The following CSNK1G1 variants were observed in gnomAD, a reference collection of about 807,000 sequenced individuals.
CSNK1G1 encodes casein kinase 1 gamma 1.
Under a neutral mutation model 59.6 loss-of-function variants are expected in CSNK1G1, and 22 were observed. The observed-to-expected ratio is 0.37, with a 90% CI of 0.26 to 0.53. CSNK1G1 has a LOEUF of 0.53. Among genes scored for constraint, CSNK1G1 ranks in the 20% least tolerant of loss-of-function variants. The probability of loss-of-function intolerance (pLI) is 0.89; values close to 1 mark genes in which losing one functional copy is unlikely to be tolerated. For synonymous variants in CSNK1G1, 179 were observed against 177.1 expected, an observed-to-expected ratio of 1.01 and a Z score of -0.08; for missense variants, 384 against 519.5, an observed-to-expected ratio of 0.74 and a Z score of 2.54.
chr15:64,259,376 C>T, intron 2 of CSNK1G1, 135 bp from the exon 3 acceptor site: 5 of 575,296 alleles, frequency 8.7e-6, no homozygotes, highest in South Asian at 5.0e-5. Context: ...GATTTATAAG[C>T]GAAAAGCTAC....
At chr15:64,180,736 A>G (rs1176170092) in intron 10 of CSNK1G1, among the ~76,000 whole-genome samples, 1 of 152,250 alleles carries the variant, frequency 6.6e-6, no homozygotes, top group Non-Finnish European at 1.5e-5. Context: ...ATCTTATGAA[A>G]TAGGTTTTTT....
chr15:64,286,431 A>G (rs1894429011), intron 2 of CSNK1G1, among the ~76,000 whole-genome samples: 2 of 146,782 alleles, frequency 1.4e-5, no homozygotes, highest in South Asian at 4.4e-4. Context: ...CTAGTTTCAC[A>G]GTACAAACAT....
At chr15:64,278,421 TATATATA>T (rs1461317787) in intron 2 of CSNK1G1, among the ~76,000 whole-genome samples, 5 of 86,820 alleles carry the variant, frequency 5.8e-5, no homozygotes, top group African/African-American at 2.5e-4. Flanking sequence ...TGTGTGTGTA[TATATATA>T]TATATTTTTT....
chr15:64,315,073 TACTA>T (rs769493089), intron 1 of CSNK1G1, among the ~76,000 whole-genome samples: 7 of 152,210 alleles, frequency 4.6e-5, no homozygotes, highest in Admixed American at 2.6e-4. Flanking sequence ...ATAATAGGAA[TACTA>T]ACTTACATTC....
At chr15:64,236,840 T>C (rs2082622638) in intron 4 of CSNK1G1, among the ~76,000 whole-genome samples, 1 of 152,218 alleles carries the variant, frequency 6.6e-6, no homozygotes, top group African/African-American at 2.4e-5. Context: ...TCTGTACTCA[T>C]GTATTTTTCA....
At chr15:64,313,847 G>T (rs1475255487) in intron 1 of CSNK1G1, among the ~76,000 whole-genome samples, 1 of 137,318 alleles carries the variant, frequency 7.3e-6, no homozygotes, top group East Asian at 2.1e-4. Context: ...AAAAATAAAA[G>T]TTAGAAGGTT....
At chr15:64,237,774 T>C (rs1271467167) in intron 4 of CSNK1G1, among the ~76,000 whole-genome samples, 1 of 152,214 alleles carries the variant, frequency 6.6e-6, no homozygotes, top group East Asian at 1.9e-4. Context: ...TAATTTACAG[T>C]TGCCTAGATT....
At chr15:64,277,904 A>G (rs1455696359) in intron 2 of CSNK1G1, among the ~76,000 whole-genome samples, 2 of 143,176 alleles carry the variant, frequency 1.4e-5, no homozygotes, top group Non-Finnish European at 3.0e-5. Flanking sequence ...ATTGATATTG[A>G]TATATTTAAT....
intron 1 of CSNK1G1, among the ~76,000 whole-genome samples, chr15:64,306,406 C>A (rs1321411422): frequency 6.6e-6 from 1 of 152,090 alleles, no homozygotes; most frequent in Non-Finnish European, 1.5e-5. Flanking sequence ...TACCATATGT[C>A]AGAAGGGAAT....
intron 4 of CSNK1G1, among the ~76,000 whole-genome samples, chr15:64,233,341 A>G (rs78465187): frequency 0.043 from 6,514 of 151,718 alleles, 156 homozygotes; most frequent in South Asian, 0.08. Context: ...GGAAAAGGAC[A>G]GATTCTCTCT....
intron 10 of CSNK1G1, chr15:64,195,212 G>C (rs1444302317): frequency 2.0e-5 from 3 of 152,156 alleles, no homozygotes; most frequent in African/African-American, 7.2e-5. Flanking sequence ...AAGAGTAAGT[G>C]ACATTTTGGG....
At chr15:64,262,940 G>A (rs1234474369) in intron 2 of CSNK1G1, among the ~76,000 whole-genome samples, 1 of 151,844 alleles carries the variant, frequency 6.6e-6, no homozygotes, top group Admixed American at 6.6e-5. Context: ...TTAGCCAGGT[G>A]TGGTGGTGCA....
chr15:64,340,713 G>C (rs1027374282), intron 1 of CSNK1G1, among the ~76,000 whole-genome samples: 5 of 152,106 alleles, frequency 3.3e-5, no homozygotes, highest in South Asian at 2.1e-4. Context: ...CAGCACTTTG[G>C]GGGGCCGAGG....
chr15:64,338,202 A>G (rs544287928), intron 1 of CSNK1G1, among the ~76,000 whole-genome samples: 18 of 152,164 alleles, frequency 1.2e-4, no homozygotes, highest in Non-Finnish European at 2.1e-4. Context: ...TGGCTGCGGC[A>G]TTTTATATTC....
chr15:64,332,237 C>T (rs1434040396), intron 1 of CSNK1G1, among the ~76,000 whole-genome samples: 3 of 93,916 alleles, frequency 3.2e-5, no homozygotes, highest in African/African-American at 1.2e-4. Flanking sequence ...ATGTTTATTG[C>T]GGCATTATTC....
intron 4 of CSNK1G1, among the ~76,000 whole-genome samples, chr15:64,235,958 T>C (rs767213547): frequency 1.4e-5 from 2 of 147,696 alleles, no homozygotes; most frequent in East Asian, 2.0e-4. Flanking sequence ...GGTAAACAGC[T>C]AACATGGTCC....
At chr15:64,228,359 T>C (rs1165471903) in intron 4 of CSNK1G1, among the ~76,000 whole-genome samples, 1 of 152,150 alleles carries the variant, frequency 6.6e-6, no homozygotes, top group Non-Finnish European at 1.5e-5. Context: ...AAAGAAAAGG[T>C]ATTCACACCC....
chr15:64,243,581 C>T (rs1354303531), intron 4 of CSNK1G1, among the ~76,000 whole-genome samples: 2 of 151,884 alleles, frequency 1.3e-5, no homozygotes, highest in Non-Finnish European at 2.9e-5. Flanking sequence ...TAAAGGGCAT[C>T]CAAATTGAAA....
At chr15:64,203,756 C>T (rs2082140925) in intron 9 of CSNK1G1, among the ~76,000 whole-genome samples, 2 of 151,154 alleles carry the variant, frequency 1.3e-5, no homozygotes, top group African/African-American at 4.9e-5. Flanking sequence ...CCTGTGAACC[C>T]CTGACCAGAA....
Sources: allele counts gnomAD v4.1 joint callset (sites outside exome capture counted in the v4.1 genomes callset), GRCh38; gene constraint gnomAD v4.1.1; transcripts MANE v1.5; gene names NCBI Gene and HGNC (gene_info 2026-07-23, HGNC 2026-07-21).